The following ANK3 variants were observed in gnomAD, a reference collection of about 807,000 sequenced individuals.
The protein encoded by ANK3 is ankyrin 3.
In ANK3, 57 loss-of-function variants were observed where a neutral mutation model predicts 370.9. The ratio of observed to expected loss-of-function variants is 0.15; its 90% CI spans 0.12 to 0.19. The LOEUF is 0.19. Among genes scored for constraint, ANK3 ranks in the 10% least tolerant of loss-of-function variants. The pLI is 1.00. For synonymous variants in ANK3, 1,929 were observed against 1,946.3 expected (o/e 0.99, Z 0.23); for missense variants, 4,439 against 5,302.1 (o/e 0.84, Z 5.06).
chr10:60,190,921 A>G (rs1388025691), intron 16 of ANK3, among the ~76,000 whole-genome samples: 3 of 152,216 alleles, frequency 2.0e-5, no homozygotes, highest in East Asian at 1.9e-4. Flanking sequence ...AAAACTCACA[A>G]GAAAAGCCAC....
intron 1 of ANK3, among the ~76,000 whole-genome samples, chr10:60,681,441 CT>C (rs1589018917): frequency 6.6e-6 from 1 of 152,198 alleles, no homozygotes; most frequent in African/African-American, 2.4e-5. Flanking sequence ...ATCATGATCT[CT>C]TGCATCTCCT....
intron 2 of ANK3, among the ~76,000 whole-genome samples, chr10:60,614,015 A>C (rs1204552169): frequency 6.6e-6 from 1 of 152,202 alleles, no homozygotes; most frequent in African/African-American, 2.4e-5. Flanking sequence ...CAGATGTTGC[A>C]GTGAGCTAAG....
At chr10:60,733,506 C>G (rs2080058424), upstream of ANK3, 1 of 463,368 alleles carries the variant, frequency 2.2e-6, no homozygotes, top group African/African-American at 2.0e-5. Flanking sequence ...CTGCGACCGC[C>G]AGGTGCCCGC....
intron 41 of ANK3, among the ~76,000 whole-genome samples, chr10:60,056,267 G>A (rs532715535): frequency 4.6e-5 from 7 of 152,062 alleles, no homozygotes; most frequent in South Asian, 2.1e-4. Flanking sequence ...TCAGGAGTTC[G>A]AGACCAGCCT....
intron 1 of ANK3, among the ~76,000 whole-genome samples, chr10:60,630,789 G>C (rs913034202): frequency 2.6e-5 from 4 of 152,198 alleles, no homozygotes; most frequent in African/African-American, 9.6e-5. Flanking sequence ...GGATAATGTG[G>C]TATGAAAACC....
At chr10:60,653,615 A>G (rs1027417177) in intron 1 of ANK3, among the ~76,000 whole-genome samples, 4 of 151,968 alleles carry the variant, frequency 2.6e-5, no homozygotes, top group Non-Finnish European at 5.9e-5. Context: ...TATGCCTGTT[A>G]TCTCAGTACT....
intron 1 of ANK3, among the ~76,000 whole-genome samples, chr10:60,311,783 A>T (rs551495242): frequency 6.6e-6 from 1 of 152,284 alleles, no homozygotes; most frequent in South Asian, 2.1e-4. Context: ...CTTTCTTCTT[A>T]TCAATAGGTC....
At chr10:60,537,191 AT>A (rs1340537758) in intron 2 of ANK3, among the ~76,000 whole-genome samples, 2 of 152,042 alleles carry the variant, frequency 1.3e-5, no homozygotes, top group Non-Finnish European at 2.9e-5. Flanking sequence ...AGAGACTGTT[AT>A]TTTGTAGAAT....
intron 1 of ANK3, among the ~76,000 whole-genome samples, chr10:60,346,233 G>T (rs2055443060): frequency 6.6e-6 from 1 of 151,994 alleles, no homozygotes; most frequent in African/African-American, 2.4e-5. Context: ...AAAAGCCACA[G>T]GGAATGTATA....
intron 2 of ANK3, among the ~76,000 whole-genome samples, chr10:60,607,591 G>A (rs190800705): frequency 1.3e-5 from 2 of 152,186 alleles, no homozygotes; most frequent in Admixed American, 6.5e-5. Flanking sequence ...ATAGTGCTCC[G>A]GAATCCTGAC....
intron 7 of ANK3, among the ~76,000 whole-genome samples, chr10:60,244,964 T>G (rs2097530860): frequency 6.6e-6 from 1 of 152,036 alleles, no homozygotes; most frequent in Admixed American, 6.5e-5. Flanking sequence ...GGTCAGGAGA[T>G]CGAGACCATC....
At chr10:60,243,350 A>T (rs2097501697) in intron 7 of ANK3, among the ~76,000 whole-genome samples, 1 of 152,194 alleles carries the variant, frequency 6.6e-6, no homozygotes, top group African/African-American at 2.4e-5. Context: ...GGGATTAATG[A>T]TTAGATAAGA....
intron 1 of ANK3, among the ~76,000 whole-genome samples, chr10:60,360,170 T>C (rs531143906): frequency 1.3e-5 from 2 of 152,370 alleles, no homozygotes; most frequent in African/African-American, 4.8e-5. Flanking sequence ...TGCCTATATG[T>C]GTGCCTGGCA....
chr10:60,675,154 T>A (rs1792192008), intron 1 of ANK3, among the ~76,000 whole-genome samples: 1 of 152,248 alleles, frequency 6.6e-6, no homozygotes, highest in African/African-American at 2.4e-5. Flanking sequence ...TGTTTTTACA[T>A]ATTTAAGTAA....
intron 5 of ANK3, among the ~76,000 whole-genome samples, chr10:60,266,143 G>GA (rs1305176078): frequency 2.0e-5 from 3 of 152,036 alleles, no homozygotes; most frequent in African/African-American, 7.2e-5. Context: ...AACAAACAGG[G>GA]AAAGACTAGA....
intron 1 of ANK3, among the ~76,000 whole-genome samples, chr10:60,682,694 A>T (rs994447216): frequency 2.6e-5 from 4 of 152,128 alleles, no homozygotes; most frequent in Non-Finnish European, 5.9e-5. Context: ...ACTCAACAGA[A>T]CTGTATTGAG....
intron 1 of ANK3, among the ~76,000 whole-genome samples, chr10:60,347,988 GC>G (rs2056006864): frequency 1.3e-5 from 2 of 152,140 alleles, no homozygotes; most frequent in African/African-American, 4.8e-5. Context: ...GAACTTCTTA[GC>G]CCCAACCCCC....
chr10:60,124,709 A>G (rs1001754200), intron 25 of ANK3, among the ~76,000 whole-genome samples: 6 of 152,158 alleles, frequency 3.9e-5, no homozygotes, highest in Non-Finnish European at 5.9e-5. Flanking sequence ...TGCTTTGCTT[A>G]TTAGAGTGGC....
intron 1 of ANK3, among the ~76,000 whole-genome samples, chr10:60,341,941 G>C (rs2054377532): frequency 6.6e-6 from 1 of 152,158 alleles, no homozygotes; most frequent in Non-Finnish European, 1.5e-5. Flanking sequence ...GGTTTAGCTG[G>C]AGATATCTTC....
Sources: gnomAD v4.1 joint callset for allele counts (sites outside exome capture counted in the v4.1 genomes callset) on GRCh38, gnomAD v4.1.1 for gene constraint, MANE v1.5 for transcripts, NCBI Gene and HGNC (gene_info 2026-07-23, HGNC 2026-07-21) for gene names.